Variants in STK32B observed in about 807,000 individuals in gnomAD.
STK32B encodes serine/threonine kinase 32B, also known as serine/threonine-protein kinase 32B.
STK32B carries 43 observed loss-of-function variants against 52.6 expected under a neutral mutation model. That is an observed-to-expected ratio of 0.82 (90% CI 0.64 to 1.05). The LOEUF is 1.05. Ranked by LOEUF, STK32B falls within the 50% of genes least tolerant of loss-of-function variation. STK32B has a pLI of 0.00. For synonymous variants in STK32B, 238 were observed against 204.3 expected (o/e 1.17, Z -1.41); for missense variants, 621 against 534.6 (o/e 1.16, Z -1.59).
chr4:5,468,532 C>T (rs1416244935), intron 11 of STK32B, among the ~76,000 whole-genome samples: 1 of 152,182 alleles, frequency 6.6e-6, no homozygotes, highest in Admixed American at 6.5e-5. Flanking sequence ...GGCTGTGGTC[C>T]CGCAGCACCT....
chr4:5,052,840 G>C (rs1741844520), intron 1 of STK32B, among the ~76,000 whole-genome samples: 1 of 152,176 alleles, frequency 6.6e-6, no homozygotes, highest in East Asian at 1.9e-4. Flanking sequence ...CCCCAGGTAA[G>C]AGCTGAGACA....
At chr4:5,368,996 A>G (rs1298322917) in intron 4 of STK32B, among the ~76,000 whole-genome samples, 1 of 151,960 alleles carries the variant, frequency 6.6e-6, no homozygotes, top group South Asian at 2.1e-4. Context: ...GGGCATGTGG[A>G]CACAGAGCTG....
At chr4:5,274,603 T>C (rs926587770) in intron 3 of STK32B, among the ~76,000 whole-genome samples, 4 of 152,104 alleles carry the variant, frequency 2.6e-5, no homozygotes, top group African/African-American at 9.7e-5. Context: ...TAGCCAATCA[T>C]CTATTGTCTG....
Position 5,317,393 on chromosome 4 carries a change from AAT to A in STK32B, c.261-13819_261-13818del, listed in dbSNP as rs1473627512. ...TGTATTATATATATTACATATATAT[AAT>A]ATATATAATGTATATGTATTATATA... is the stretch of plus-strand genomic sequence containing the variant. On this transcript the variant is annotated intron_variant, in intron 3 of 11. Transcript: ENST00000282908. Among the ~76,000 whole-genome samples the A allele has an allele frequency of 6.0e-5, 5 of 82,662 alleles. 1 individual carries two copies. Among genetic ancestry groups the A allele is most frequent in the African/African-American group, 2.5e-4 (3 of 12,212 alleles). 54.2% of individuals were successfully genotyped at this position (82,662 alleles called of 152,430 possible). A position where few individuals can be genotyped will look rare whatever the true frequency, so the allele number is the denominator to read the frequency against.
In STK32B at chr4:5,271,135, A is replaced by G. The variant is rs1727401916; in HGVS notation, c.261-60085A>G. Among the ~76,000 whole-genome samples, 4 of 152,046 alleles carry G rather than the reference A, an allele frequency of 2.6e-5. No homozygotes were observed. The South Asian group carries it at 8.3e-4, about 32-fold the overall frequency. On this transcript the variant is annotated intron_variant, in intron 3 of 11. Transcript: ENST00000282908. The stretch of plus-strand genomic sequence containing the variant: ...GTATTTCTAGTAGAGATGGGGTTTC[A>G]CCATGTTGGCCAAGCTGGTCTCAAA...
At chr4:5,327,799 C>T (rs112258083) in intron 3 of STK32B, among the ~76,000 whole-genome samples, 7,267 of 152,218 alleles carry the variant, frequency 0.048, 224 homozygotes, top group South Asian at 0.075. Context: ...TTTCCTTTGA[C>T]CCTTTGAAGC....
At chr4:5,445,347 T>G (rs1264145688) in intron 6 of STK32B, among the ~76,000 whole-genome samples, 12 of 152,270 alleles carry the variant, frequency 7.9e-5, no homozygotes, top group Admixed American at 2.0e-4. Context: ...ACAGCTTTAA[T>G]CACAACAGTA....
At chr4:5,139,660 C>T in intron 1 of STK32B, 1 of 519,574 alleles carries the variant, frequency 1.9e-6, no homozygotes, top group East Asian at 3.1e-5. Context: ...AGCAAGACTG[C>T]AGAGCCTCAT....
At chr4:5,132,622 A>G (rs1715847324) in intron 1 of STK32B, among the ~76,000 whole-genome samples, 1 of 151,572 alleles carries the variant, frequency 6.6e-6, no homozygotes, top group African/African-American at 2.4e-5. Flanking sequence ...ATTTTCCCCA[A>G]GATCTTCCAG....
intron 9 of STK32B, among the ~76,000 whole-genome samples, chr4:5,464,333 C>G (rs989174343): frequency 2.0e-5 from 3 of 152,374 alleles, no homozygotes; most frequent in South Asian, 4.1e-4. Flanking sequence ...TTGGCCTCCT[C>G]TGGGACATTC....
At position 5,378,767 on chromosome 4, in the gene STK32B, C is replaced by A. The variant is rs904584586; in HGVS notation, c.435-19440C>A. Among the ~76,000 whole-genome samples the A allele has an allele frequency of 1.3e-5, 2 of 152,166 alleles. No individual in the cohort carries two copies. Among genetic ancestry groups the A allele is most frequent in the African/African-American group, 4.8e-5 (2 of 41,434 alleles). On this transcript the variant is annotated intron_variant, in intron 4 of 11. Coordinates refer to ENST00000282908, the MANE Select transcript of STK32B (RefSeq NM_018401.3). This position sits in a 1 kb window ranked among gnomAD's most constrained non-coding sequence, Gnocchi z 4.4. ...TTGGTGGAAATGTCTTTGAGAAACGCTGGCTGGGTAGATGAGTTTGTGACG... is the reference window on the plus strand; with the variant it reads ...TTGGTGGAAATGTCTTTGAGAAACGATGGCTGGGTAGATGAGTTTGTGACG...
At position 5,059,117 on chromosome 4, in the gene STK32B, G is replaced by A. The variant is rs1378461596; in HGVS notation, c.52+7202G>A. Among the ~76,000 whole-genome samples, 3 of 116,746 alleles carry A rather than the reference G, an allele frequency of 2.6e-5. No individual in the cohort carries two copies. The East Asian group carries it at 8.3e-4, about 32-fold the overall frequency. 76.6% of individuals were successfully genotyped at this position (116,746 alleles called of 152,430 possible). ...GGTTTTGGGGTCTGTTGCCCATACTGATCTTGAATTCCTGTGTGCAAGCAA... is the reference window on the plus strand; with the variant it reads ...GGTTTTGGGGTCTGTTGCCCATACTAATCTTGAATTCCTGTGTGCAAGCAA... On this transcript the variant is annotated intron_variant, in intron 1 of 11. Coordinates refer to ENST00000282908, the MANE Select transcript of STK32B (RefSeq NM_018401.3).
intron 3 of STK32B, among the ~76,000 whole-genome samples, chr4:5,170,607 G>A (rs1279018328): frequency 6.6e-6 from 1 of 152,084 alleles, no homozygotes; most frequent in Non-Finnish European, 1.5e-5. Flanking sequence ...ATGGTTTCCA[G>A]CTTCATCCAT....
At chr4:5,494,046 G>A (rs1301584107) in intron 11 of STK32B, among the ~76,000 whole-genome samples, 17 of 152,332 alleles carry the variant, frequency 1.1e-4, no homozygotes, top group Admixed American at 9.8e-4. Flanking sequence ...TGAAAAAAAT[G>A]TATATTCTGT....
intron 3 of STK32B, among the ~76,000 whole-genome samples, chr4:5,246,988 G>T (rs1023959608): frequency 6.6e-6 from 1 of 152,152 alleles, no homozygotes; most frequent in Non-Finnish European, 1.5e-5. Context: ...CCCCTACTGG[G>T]GGGTACCTCC....
chr4:5,228,276 A>G (rs1039734237), intron 3 of STK32B, among the ~76,000 whole-genome samples: 13 of 152,292 alleles, frequency 8.5e-5, no homozygotes, highest in African/African-American at 1.7e-4. Context: ...AAATTCTACA[A>G]TGAGCGATTG....
intron 4 of STK32B, among the ~76,000 whole-genome samples, chr4:5,353,074 A>G (rs1291293487): frequency 1.3e-5 from 2 of 152,182 alleles, no homozygotes; most frequent in Admixed American, 1.3e-4. Flanking sequence ...GATCAATGGG[A>G]AAAAAATAGA....
intron 1 of STK32B, among the ~76,000 whole-genome samples, chr4:5,106,667 C>A (rs1714125045): frequency 6.6e-6 from 1 of 152,166 alleles, no homozygotes; most frequent in African/African-American, 2.4e-5. Flanking sequence ...ATAGGTCCAT[C>A]CATTCTGTTT....
intron 6 of STK32B, among the ~76,000 whole-genome samples, chr4:5,430,346 A>G (rs1713469135): frequency 6.6e-6 from 1 of 152,194 alleles, no homozygotes; most frequent in Non-Finnish European, 1.5e-5. Context: ...AAGTCTATTG[A>G]TAAACCTATT....
Sources: gnomAD v4.1 joint callset for allele counts (sites outside exome capture counted in the v4.1 genomes callset) on GRCh38, gnomAD v4.1.1 for gene constraint, Gnocchi (gnomAD v3.1) non-coding constraint, MANE v1.5 for transcripts, NCBI Gene and HGNC (gene_info 2026-07-23, HGNC 2026-07-21) for gene names.